The following PNPLA8 variants were observed in gnomAD, a reference collection of about 807,000 sequenced individuals.
PNPLA8 encodes calcium-independent phospholipase A2-gamma.
Under a neutral mutation model 76.9 loss-of-function variants are expected in PNPLA8, and 39 were observed. The observed-to-expected ratio is 0.51, with a 90% CI of 0.39 to 0.66. The LOEUF (loss-of-function observed/expected upper bound fraction) is 0.66, where lower values mean the gene tolerates loss of function less well. Ranked by LOEUF, PNPLA8 falls within the 30% of genes least tolerant of loss-of-function variation. The pLI, the probability that PNPLA8 is intolerant of heterozygous loss-of-function variation, is 0.00. For missense variants in PNPLA8, 887 were observed against 918.0 expected, an observed-to-expected ratio of 0.97 and a Z score of 0.44; for synonymous variants, 301 against 307.9, an observed-to-expected ratio of 0.98 and a Z score of 0.24.
intron 7 of PNPLA8, among the ~76,000 whole-genome samples, chr7:108,492,856 A>T (rs1410367744): frequency 6.6e-6 from 1 of 152,228 alleles, no homozygotes; most frequent in East Asian, 1.9e-4. Flanking sequence ...TCCTATACAG[A>T]CTCTTGGTTG....
Position 108,515,656 on chromosome 7 carries a change from AAACTC to A in PNPLA8, c.-83-87_-83-83del, listed in dbSNP as rs763056262. The A allele has an allele frequency of 5.5e-4, 391 of 713,526 alleles. 1 individual carries two copies. The highest frequency in any genetic ancestry group is 7.3e-4 in the Non-Finnish European group (373 of 512,426). The allele number at this position is 713,526 out of a possible 1,614,324, so 44.2% of individuals were successfully genotyped here. Reference sequence around the variant, plus strand: ...CAGAAAACACAAGACTATTTGGACTAAACTCAGCAAGCTGTCTCAAAAAAAGCAGA... The same window carrying A: ...CAGAAAACACAAGACTATTTGGACTAAGCAAGCTGTCTCAAAAAAAGCAGA... On this transcript the variant is annotated intron_variant, in intron 2 of 10. Coordinates refer to ENST00000257694, the MANE Select transcript of PNPLA8 (RefSeq NM_001256007.3).
chr7:108,472,833 A>C (rs1859719140), intron 10 of PNPLA8, among the ~76,000 whole-genome samples, 158 bp from the exon 11 acceptor site: 1 of 152,348 alleles, frequency 6.6e-6, no homozygotes, highest in African/African-American at 2.4e-5. Context: ...GAAGTAATCC[A>C]TAATAATGGG....
At chr7:108,512,117 G>A (rs1862978370) in intron 4 of PNPLA8, among the ~76,000 whole-genome samples, 2 of 152,102 alleles carry the variant, frequency 1.3e-5, no homozygotes, top group African/African-American at 2.4e-5. Context: ...ACCACCACAC[G>A]GAGGTTCACT....
intron 2 of PNPLA8, among the ~76,000 whole-genome samples, chr7:108,517,020 G>C (rs1429100219): frequency 6.6e-6 from 1 of 152,050 alleles, no homozygotes; most frequent in African/African-American, 2.4e-5. Flanking sequence ...ATCTGATAAA[G>C]AGCTGTCATC....
intron 8 of PNPLA8, 115 bp downstream of exon 8, chr7:108,491,295 G>A: frequency 1.5e-6 from 1 of 680,010 alleles, no homozygotes; most frequent in Non-Finnish European, 2.6e-6. Context: ...CAATAAGAGT[G>A]AAACTCTGTC....
At chr7:108,507,511 G>A (rs1423485015) in intron 4 of PNPLA8, among the ~76,000 whole-genome samples, 2 of 151,944 alleles carry the variant, frequency 1.3e-5, no homozygotes, top group Admixed American at 6.6e-5. Context: ...AAAATTAGTT[G>A]GGTGTGGTTG....
Position 108,526,100 on chromosome 7 carries a change from C to G in PNPLA8, c.-201G>C, listed in dbSNP as rs1864061354. On this transcript the variant is annotated 5_prime_UTR_variant, in exon 1 of 11. Transcript: ENST00000257694. ...TTCCCGGCAATGACGTCCACTCCAACCGGCCTGCATCAGCTGAGCTTCCAA... is the reference window on the plus strand; with the variant it reads ...TTCCCGGCAATGACGTCCACTCCAAGCGGCCTGCATCAGCTGAGCTTCCAA... 1.0e-6 allele frequency: 1 copy of G among 985,610 alleles called. No homozygotes were observed. The highest frequency in any genetic ancestry group is 6.1e-5 in the Admixed American group (1 of 16,278). The allele number at this position is 985,610 out of a possible 1,614,324, so 61.1% of individuals were successfully genotyped here. A position where few individuals can be genotyped will look rare whatever the true frequency, so the allele number is the denominator to read the frequency against.
chr7:108,483,908 A>C (rs888321523), intron 9 of PNPLA8, among the ~76,000 whole-genome samples: 2 of 152,218 alleles, frequency 1.3e-5, no homozygotes, highest in Non-Finnish European at 2.9e-5. Context: ...GTAACATTTA[A>C]TTTCTAATTT....
intron 4 of PNPLA8, chr7:108,510,643 A>G: frequency 2.5e-6 from 4 of 1,577,476 alleles, no homozygotes; most frequent in South Asian, 2.2e-5. Flanking sequence ...TTGTAGAGCC[A>G]TATATTGCAT....
At chr7:108,495,260 T>C (rs1861469413) in intron 7 of PNPLA8, among the ~76,000 whole-genome samples, 1 of 152,208 alleles carries the variant, frequency 6.6e-6, no homozygotes, top group Non-Finnish European at 1.5e-5. Flanking sequence ...AAGATGTTTA[T>C]CTAAATTTTA....
At chr7:108,523,482 T>C (rs1331164507) in intron 1 of PNPLA8, among the ~76,000 whole-genome samples, 1 of 151,682 alleles carries the variant, frequency 6.6e-6, no homozygotes, top group African/African-American at 2.4e-5. Flanking sequence ...GTCCAGAATG[T>C]ATGCATGTCG....
At chr7:108,502,914 T>C (rs950784796) in intron 4 of PNPLA8, 1 of 226,556 alleles carries the variant, frequency 4.4e-6, no homozygotes, top group East Asian at 9.4e-5. Flanking sequence ...ATATAATTTA[T>C]AGAAATTTAC....
Position 108,526,077 on chromosome 7 carries a change from C to G in PNPLA8, c.-178G>C. 1 of 985,730 alleles carries G rather than the reference C, an allele frequency of 1.0e-6. No homozygotes were observed. Among genetic ancestry groups the G allele is most frequent in the Non-Finnish European group, 1.2e-6 (1 of 830,068 alleles). 61.1% of individuals were successfully genotyped at this position (985,730 alleles called of 1,614,324 possible). Reference sequence around the variant, plus strand: ...GGGCTGCAGCGGCGACTCGCTCGTTCCCGGCAATGACGTCCACTCCAACCG... The same window carrying G: ...GGGCTGCAGCGGCGACTCGCTCGTTGCCGGCAATGACGTCCACTCCAACCG... On this transcript the variant is annotated 5_prime_UTR_variant, in exon 1 of 11. Coordinates refer to ENST00000257694, the MANE Select transcript of PNPLA8 (RefSeq NM_001256007.3).
intron 4 of PNPLA8, among the ~76,000 whole-genome samples, chr7:108,505,342 A>T (rs1563968120): frequency 1.8e-4 from 1 of 5,504 alleles, no homozygotes; most frequent in Non-Finnish European, 2.6e-4. Context: ...ATATATATAT[A>T]TATATATATA....
At chr7:108,492,294 T>C (rs1861239035) in intron 7 of PNPLA8, among the ~76,000 whole-genome samples, 1 of 152,172 alleles carries the variant, frequency 6.6e-6, no homozygotes, top group South Asian at 2.1e-4. Context: ...TTAATAAATA[T>C]CAATGTAAAA....
At chr7:108,476,713 T>C (rs1198944418) in intron 10 of PNPLA8, among the ~76,000 whole-genome samples, 1 of 152,138 alleles carries the variant, frequency 6.6e-6, no homozygotes, top group Non-Finnish European at 1.5e-5. Context: ...TTATTCACAA[T>C]AGCCAAGATA....
chr7:108,511,225 T>C (rs150367938), intron 4 of PNPLA8, among the ~76,000 whole-genome samples: 4 of 152,294 alleles, frequency 2.6e-5, no homozygotes, highest in African/African-American at 9.6e-5. Flanking sequence ...AATTAGACAT[T>C]GGTCATTCTG....
chr7:108,489,567 T>C (rs534724160), intron 8 of PNPLA8, among the ~76,000 whole-genome samples: 1 of 152,370 alleles, frequency 6.6e-6, no homozygotes, highest in South Asian at 2.1e-4. Flanking sequence ...AACTACTACA[T>C]GTCATCTGTG....
At chr7:108,480,699 A>G (rs1860331696) in intron 9 of PNPLA8, 1 of 421,272 alleles carries the variant, frequency 2.4e-6, no homozygotes, top group Non-Finnish European at 4.9e-6. Context: ...AATATGGTGC[A>G]TACAACCTTG....
Sources: gnomAD v4.1 joint callset for allele counts (sites outside exome capture counted in the v4.1 genomes callset) on GRCh38, gnomAD v4.1.1 for gene constraint, MANE v1.5 for transcripts, NCBI Gene and HGNC (gene_info 2026-07-23, HGNC 2026-07-21) for gene names.